The following ARHGEF10 variants were observed in gnomAD, a reference collection of about 807,000 sequenced individuals.
ARHGEF10 encodes the protein Rho guanine nucleotide exchange factor (GEF) 10.
A neutral mutation model predicts 147.4 loss-of-function variants in ARHGEF10; 140 were observed. The ratio of observed to expected loss-of-function variants is 0.95; its 90% CI spans 0.83 to 1.09. ARHGEF10 has a LOEUF of 1.09. Ranked by LOEUF, ARHGEF10 falls within the 50% of genes least tolerant of loss-of-function variation. The probability of loss-of-function intolerance (pLI) is 0.00; values close to 1 mark genes in which losing one functional copy is unlikely to be tolerated. For synonymous variants in ARHGEF10, 902 were observed against 695.8 expected (o/e 1.30, Z -4.67); for missense variants, 2,222 against 1,752.7 (o/e 1.27, Z -4.78).
intron 1 of ARHGEF10, among the ~76,000 whole-genome samples, chr8:1,828,232 C>T (rs957007204): frequency 9.9e-5 from 15 of 152,200 alleles, no homozygotes; most frequent in African/African-American, 3.6e-4. Flanking sequence ...GTTTTGTGCC[C>T]GTGGCTTGTT....
chr8:1,858,061 C>G lies in ARHGEF10; in HGVS notation c.139C>G (p.Pro47Ala). 6.2e-7 allele frequency: 1 copy of G among 1,613,978 alleles called. No homozygotes were observed. The highest frequency in any genetic ancestry group is 8.5e-7 in the Non-Finnish European group (1 of 1,180,014). Residue 47 changes from proline to alanine, a missense_variant, in exon 3 of 29, where the codon CCA becomes GCA. Physicochemically the swap from Pro to Ala is conservative, Grantham distance 27. Coordinates refer to ENST00000349830, the MANE Select transcript of ARHGEF10 (RefSeq NM_014629.4). ...DEIPEADRQA[P>A]SAPETGGAGA... ...AATCCCAGAAGCGGACAGACAGGCC[C>G]CATCCGCCCCTGAGACAGGAGGTGC...
chr8:1,829,058 G>A (rs1236177013), intron 1 of ARHGEF10, among the ~76,000 whole-genome samples: 2 of 152,252 alleles, frequency 1.3e-5, no homozygotes, highest in African/African-American at 2.4e-5. Flanking sequence ...TGGAGAGGAA[G>A]CAGGCGGCAG....
chr8:1,929,438 C>T lies in ARHGEF10; in HGVS notation c.3074C>T (p.Ala1025Val). The change falls in exon 25 of 29, where the codon GCC becomes GTC. Residue 1025 changes from alanine (A) to valine (V), a missense_variant. Physicochemically the swap from Ala to Val is moderately conservative, Grantham distance 64. Coordinates refer to ENST00000349830, the MANE Select transcript of ARHGEF10 (RefSeq NM_014629.4). ...VNGAVASYARAPDGSWDSEPQ... is the reference protein window; with the variant it reads ...VNGAVASYARVPDGSWDSEPQ... ...GGGGCAGTCGCCAGCTACGCCAGAG[C>T]CCCAGGTGAGGCGGGTCTCACGGCC... is the stretch of plus-strand genomic sequence containing the variant. 2 of 1,606,390 alleles carry T rather than the reference C, an allele frequency of 1.2e-6. No individual in the cohort carries two copies. Among genetic ancestry groups the T allele is most frequent in the Non-Finnish European group, 1.7e-6 (2 of 1,176,210 alleles).
At chr8:1,940,651 C>A (rs1814013526) in intron 26 of ARHGEF10, among the ~76,000 whole-genome samples, 1 of 152,136 alleles carries the variant, frequency 6.6e-6, no homozygotes, top group African/African-American at 2.4e-5. Flanking sequence ...TCAGCATGAC[C>A]CCGATACCAA....
chr8:1,925,439 A>G lies in ARHGEF10; in HGVS notation c.2610+35A>G, dbSNP rs763862169. The G allele has an allele frequency of 3.1e-6, 5 of 1,612,200 alleles. No homozygotes were observed. The Admixed American group carries it at 6.7e-5, about 22-fold the overall frequency. On this transcript the variant is annotated intron_variant, in intron 22 of 28. Transcript: ENST00000349830. ...GGCAGGGCCCGCGGCCCGGGGTGGG[A>G]CGCACCTCGCAGCTCTGAATGGGCC...
intron 23 of ARHGEF10, chr8:1,927,423 A>G (rs1213066640): frequency 6.6e-6 from 1 of 152,220 alleles, no homozygotes; most frequent in Non-Finnish European, 1.5e-5. Flanking sequence ...AAGTTGGTGG[A>G]AAAGAAAAAG....
At chr8:1,926,524 G>A in intron 23 of ARHGEF10, 61 bp downstream of exon 23, 1 of 1,482,622 alleles carries the variant, frequency 6.7e-7, no homozygotes, top group Non-Finnish European at 9.4e-7. Context: ...CATGGTCGGT[G>A]TGATGAGAGA....
At chr8:1,904,674 A>C (rs537762720) in intron 16 of ARHGEF10, among the ~76,000 whole-genome samples, 2 of 152,254 alleles carry the variant, frequency 1.3e-5, no homozygotes, top group South Asian at 4.1e-4. Flanking sequence ...AATGTCACCC[A>C]CATGCCTCAT....
In ARHGEF10 at chr8:1,945,506, A is replaced by G; in HGVS notation, c.3248A>G (p.Glu1083Gly). ...GGTCAGCTGGAGGCCCACCAGGAGG[A>G]AGGCATGGTGATCTCCCACATGGCC... Reference protein sequence around the residue: ...VEGQLEAHQEEGMVISHMAVS... With the variant: ...VEGQLEAHQEGGMVISHMAVS... The change falls in exon 27 of 29, where the codon GAA (glutamate) becomes GGA (glycine). Residue 1083 changes from glutamate to glycine, a missense_variant. Glu to Gly is a moderately conservative substitution (Grantham distance 98, BLOSUM62 -2). Transcript: ENST00000349830. 1.2e-6 allele frequency: 2 copies of G among 1,610,672 alleles called. No individual in the cohort carries two copies. The highest frequency in any genetic ancestry group is 1.7e-6 in the Non-Finnish European group (2 of 1,178,430).
intron 25 of ARHGEF10, among the ~76,000 whole-genome samples, chr8:1,929,736 C>G (rs1369275277): frequency 6.6e-6 from 1 of 152,206 alleles, no homozygotes; most frequent in African/African-American, 2.4e-5. Flanking sequence ...CCATGCAGAG[C>G]CTCCTTCAGC....
intron 2 of ARHGEF10, among the ~76,000 whole-genome samples, chr8:1,849,979 T>TGG (rs1804934074): frequency 1.2e-4 from 6 of 48,878 alleles, no homozygotes; most frequent in Admixed American, 1.8e-4. Context: ...GTGGGCCGGC[T>TGG]GCATGGACAC....
Position 1,894,588 on chromosome 8 carries a change from C to T in ARHGEF10, c.1440+16C>T. On this transcript the variant is annotated intron_variant, in intron 13 of 28. Transcript: ENST00000349830. ...CGTGGCTTCGGTAATTAAGCTGGGA[C>T]ACCTGGATGTCCATGGGGCTCTCCA... 6.2e-7 allele frequency: 1 copy of T among 1,613,536 alleles called. No homozygotes were observed. Among genetic ancestry groups the T allele is most frequent in the South Asian group, 1.1e-5 (1 of 91,056 alleles).
chr8:1,891,257 C>T (rs1042416528), intron 11 of ARHGEF10, among the ~76,000 whole-genome samples: 2 of 152,162 alleles, frequency 1.3e-5, no homozygotes, highest in Non-Finnish European at 2.9e-5. Flanking sequence ...TGTTTTCCTC[C>T]TGCCAAATGT....
At chr8:1,897,236 C>T (rs1464267751) in intron 14 of ARHGEF10, among the ~76,000 whole-genome samples, 1 of 152,266 alleles carries the variant, frequency 6.6e-6, no homozygotes, top group Non-Finnish European at 1.5e-5. Flanking sequence ...AGCAACGTGT[C>T]ATTGAAGCTG....
intron 15 of ARHGEF10, among the ~76,000 whole-genome samples, chr8:1,900,586 G>A (rs1810372446): frequency 6.6e-6 from 1 of 152,182 alleles, no homozygotes. Flanking sequence ...GGACGGGCAT[G>A]GCCTGCCTGT....
chr8:1,917,341 A>C (rs1396052348), intron 18 of ARHGEF10, among the ~76,000 whole-genome samples: 2 of 152,242 alleles, frequency 1.3e-5, no homozygotes, highest in Admixed American at 6.5e-5. Context: ...AATTTAAGTT[A>C]AAAATTTTTA....
chr8:1,827,789 G>C (rs1175388223), intron 1 of ARHGEF10, among the ~76,000 whole-genome samples: 1 of 152,080 alleles, frequency 6.6e-6, no homozygotes, highest in Non-Finnish European at 1.5e-5. Flanking sequence ...AAAATGTTTG[G>C]GTTCAAAGTT....
intron 11 of ARHGEF10, among the ~76,000 whole-genome samples, chr8:1,892,736 C>T (rs1365533303): frequency 1.3e-5 from 2 of 151,856 alleles, no homozygotes; most frequent in African/African-American, 4.8e-5. Context: ...GTGGTGTGCC[C>T]GGGCGTGTGT....
chr8:1,873,594 GTTGCC>G (rs1807352427), intron 7 of ARHGEF10, among the ~76,000 whole-genome samples: 3 of 133,806 alleles, frequency 2.2e-5, no homozygotes, highest in South Asian at 4.9e-4. Flanking sequence ...GCATTTCCTA[GTTGCC>G]TTGAGAGGTG....
Sources: gnomAD v4.1 joint callset for allele counts (sites outside exome capture counted in the v4.1 genomes callset) on GRCh38, gnomAD v4.1.1 for gene constraint, MANE v1.5 for transcripts, NCBI Gene and HGNC (gene_info 2026-07-23, HGNC 2026-07-21) for gene names.